Variants in BCAP29 observed in about 807,000 individuals in gnomAD.
BCAP29 encodes B-cell receptor-associated protein 29.
Under a neutral mutation model 31.8 loss-of-function variants are expected in BCAP29, and 34 were observed. The ratio of observed to expected loss-of-function variants is 1.07; its 90% CI spans 0.81 to 1.42. BCAP29 has a LOEUF of 1.42. Ranked by LOEUF, BCAP29 falls within the 40% of genes most tolerant of loss-of-function variation. BCAP29 has a pLI of 0.00. For synonymous variants in BCAP29, 104 were observed against 91.3 expected (o/e 1.14, Z -0.79); for missense variants, 314 against 269.2 (o/e 1.17, Z -1.16).
chr7:107,592,080 C>T lies in BCAP29; in HGVS notation c.194-1875C>T, dbSNP rs185713062. ...GGGATTACAGGTGTTAGCCACCACA[C>T]CCAGCCAGAATGTGAGAACTTTCTA... On this transcript the variant is annotated intron_variant, in intron 3 of 7. Coordinates refer to ENST00000005259, the MANE Select transcript of BCAP29 (RefSeq NM_018844.4). Among the ~76,000 whole-genome samples the T allele has an allele frequency of 1.9e-3, 285 of 152,158 alleles. 2 individuals carry two copies. Among genetic ancestry groups the T allele is most frequent in the African/African-American group, 6.7e-3 (277 of 41,506 alleles).
In BCAP29 at chr7:107,580,800, A is replaced by G. The variant is rs1182792874; in HGVS notation, c.28A>G (p.Thr10Ala). The G allele has an allele frequency of 3.8e-6, 6 of 1,598,712 alleles. No homozygotes were observed. The highest frequency in any genetic ancestry group is 5.1e-6 in the Non-Finnish European group (6 of 1,173,906). MTLQWAAVA[T>A]FLYAEIGLIL... is the part of the protein sequence containing the mutation. ...GACACTCCAATGGGCTGCAGTGGCA[A>G]CCTTTCTTTATGCCGAAATAGGACT... The change falls in exon 2 of 8, where the codon ACC (threonine) becomes GCC (alanine). Residue 10 changes from threonine to alanine, a missense_variant. By Grantham distance (58) the Thr-to-Ala change is moderately conservative (BLOSUM62 0). Coordinates refer to ENST00000005259, the MANE Select transcript of BCAP29 (RefSeq NM_018844.4).
At chr7:107,600,066 T>C (rs575180803) in intron 5 of BCAP29, among the ~76,000 whole-genome samples, 2 of 152,296 alleles carry the variant, frequency 1.3e-5, no homozygotes, top group East Asian at 1.9e-4. Context: ...ACTGTTTTTT[T>C]CCCTTAGATT....
intron 6 of BCAP29, among the ~76,000 whole-genome samples, chr7:107,607,356 A>G (rs1338766857): frequency 1.3e-5 from 2 of 152,106 alleles, no homozygotes; most frequent in Non-Finnish European, 2.9e-5. Flanking sequence ...AGGTTTCTAA[A>G]TGCAGTGTTT....
chr7:107,598,890 A>G lies in BCAP29; in HGVS notation c.481-1507A>G, dbSNP rs555615796. On this transcript the variant is annotated intron_variant, in intron 5 of 7. Transcript: ENST00000005259. ...AATTTAAGACCAGCCTGGGCAATAC[A>G]GTATACACACACACACACACACACA... 1.1e-4 allele frequency among the ~76,000 whole-genome samples: 15 copies of G among 141,334 alleles called. No homozygotes were observed. The South Asian group carries it at 2.6e-3, about 24-fold the overall frequency. The allele number at this position is 141,334 out of a possible 152,430, so 92.7% of individuals were successfully genotyped here. A position where few individuals can be genotyped will look rare whatever the true frequency, so the allele number is the denominator to read the frequency against.
rs182704860 is a variant in BCAP29, at chr7:107,603,709, G to T, written c.589+3204G>T. Among the ~76,000 whole-genome samples the T allele has an allele frequency of 3.3e-5, 5 of 150,164 alleles. No homozygotes were observed. The East Asian group carries it at 9.9e-4, about 30-fold the overall frequency. On this transcript the variant is annotated intron_variant, in intron 6 of 7. Transcript: ENST00000005259. ...CAACCTCGAACTCCTGGACTCAGGA[G>T]ATCCTCCCGCCTCAGCCTCCTGAGT...
At chr7:107,618,248 TG>T (rs1814542401) in intron 7 of BCAP29, 79 bp from the exon 8 acceptor site, 2 of 1,006,964 alleles carry the variant, frequency 2.0e-6, no homozygotes, top group South Asian at 2.0e-5. Flanking sequence ...GAAGAGAGAA[TG>T]TTTTTTAAAA....
chr7:107,607,512 A>G (rs1812320457), intron 6 of BCAP29, among the ~76,000 whole-genome samples: 1 of 145,138 alleles, frequency 6.9e-6, no homozygotes, highest in Non-Finnish European at 1.5e-5. Context: ...CAATTTAAAT[A>G]TATCATAACT....
rs979580167 is a variant in BCAP29, at chr7:107,609,696, A to C, written c.590-3636A>C. Among the ~76,000 whole-genome samples the C allele has an allele frequency of 2.6e-5, 4 of 152,220 alleles. No individual in the cohort carries two copies. In the South Asian group the frequency reaches 6.2e-4, roughly 24 times the overall value. On this transcript the variant is annotated intron_variant, in intron 6 of 7. Transcript: ENST00000005259. ...ACAGAAGTTTGTATGTCTACTTTCCAAGTATCTTGGAAGCATTACTGTAGA... is the reference window on the plus strand; with the variant it reads ...ACAGAAGTTTGTATGTCTACTTTCCCAGTATCTTGGAAGCATTACTGTAGA...
intron 3 of BCAP29, 53 bp downstream of exon 3, chr7:107,584,035 C>T: frequency 9.7e-7 from 1 of 1,034,328 alleles, no homozygotes; most frequent in Non-Finnish European, 1.4e-6. Flanking sequence ...AAATGAATTT[C>T]TTTTTAATTA....
chr7:107,598,894 TACACACACACACAC>T (rs59376183), intron 5 of BCAP29, among the ~76,000 whole-genome samples: 54,400 of 138,970 alleles, frequency 0.39, 11,500 homozygotes, highest in South Asian at 0.63. Flanking sequence ...CAATACAGTA[TACACACACACACAC>T]ACACACACAC....
chr7:107,608,755 T>G (rs1812618832), intron 6 of BCAP29, among the ~76,000 whole-genome samples: 1 of 152,260 alleles, frequency 6.6e-6, no homozygotes, highest in Non-Finnish European at 1.5e-5. Flanking sequence ...TGATTGACGG[T>G]GTTTTTATCA....
At chr7:107,597,430 TGAGATCC>T (rs1488213394) in intron 5 of BCAP29, among the ~76,000 whole-genome samples, 1 of 152,164 alleles carries the variant, frequency 6.6e-6, no homozygotes, top group Non-Finnish European at 1.5e-5. Context: ...TGCATTACCC[TGAGATCC>T]GAGAGACTTA....
chr7:107,599,212 T>G (rs1169099518), intron 5 of BCAP29, among the ~76,000 whole-genome samples: 3 of 17,978 alleles, frequency 1.7e-4, no homozygotes, highest in Admixed American at 5.2e-4. Flanking sequence ...TATTTATAAA[T>G]ATATATATAC....
intron 1 of BCAP29, 160 bp from the exon 2 acceptor site, chr7:107,580,599 G>T (rs1806435734): frequency 3.7e-6 from 2 of 545,640 alleles, no homozygotes; most frequent in Non-Finnish European, 6.3e-6. Context: ...CGCTTCCCGG[G>T]CCACCCTTTT....
chr7:107,586,810 C>T (rs994650479), intron 3 of BCAP29, among the ~76,000 whole-genome samples: 1 of 151,264 alleles, frequency 6.6e-6, no homozygotes, highest in African/African-American at 2.4e-5. Context: ...TCACTGCAAC[C>T]TCCACTTTCC....
At chr7:107,597,357 A>G (rs1291343999) in intron 5 of BCAP29, among the ~76,000 whole-genome samples, 1 of 151,990 alleles carries the variant, frequency 6.6e-6, no homozygotes, top group African/African-American at 2.4e-5. Flanking sequence ...ATTATAGGCA[A>G]GAGTTACCGC....
intron 6 of BCAP29, among the ~76,000 whole-genome samples, chr7:107,604,914 A>G (rs145495778): frequency 1.3e-5 from 2 of 152,168 alleles, no homozygotes; most frequent in East Asian, 1.9e-4. Flanking sequence ...TAAAGTAAAT[A>G]AAACTCATGA....
intron 6 of BCAP29, among the ~76,000 whole-genome samples, chr7:107,601,761 A>G (rs1400377402): frequency 2.0e-5 from 3 of 152,208 alleles, no homozygotes; most frequent in Non-Finnish European, 4.4e-5. Flanking sequence ...TCTTTTGAAG[A>G]ATGAAACCAT....
intron 6 of BCAP29, among the ~76,000 whole-genome samples, chr7:107,607,348 G>C (rs1223565195): frequency 6.6e-6 from 1 of 152,218 alleles, no homozygotes; most frequent in South Asian, 2.1e-4. Flanking sequence ...GTGCCTCCAG[G>C]TTTCTAAATG....
Sources: gnomAD v4.1 joint callset for allele counts (sites outside exome capture counted in the v4.1 genomes callset) on GRCh38, gnomAD v4.1.1 for gene constraint, MANE v1.5 for transcripts, NCBI Gene and HGNC (gene_info 2026-07-23, HGNC 2026-07-21) for gene names.